MAP3K13: variants seen among roughly 807,000 people sequenced by gnomAD.
The protein encoded by MAP3K13 is leucine zipper-bearing kinase.
A neutral mutation model predicts 104.0 loss-of-function variants in MAP3K13; 52 were observed. The ratio of observed to expected loss-of-function variants is 0.50; its 90% CI spans 0.40 to 0.63. The LOEUF (loss-of-function observed/expected upper bound fraction) is 0.63. MAP3K13 is among the 20% of genes least tolerant of loss of function. The pLI is 0.00. For missense variants in MAP3K13, 914 were observed against 1,218.5 expected, an observed-to-expected ratio of 0.75 and a Z score of 3.72; for synonymous variants, 394 against 442.2, an observed-to-expected ratio of 0.89 and a Z score of 1.37.
At chr3:185,374,666 C>T (rs1178900925) in intron 1 of MAP3K13, among the ~76,000 whole-genome samples, 1 of 151,908 alleles carries the variant, frequency 6.6e-6, no homozygotes, top group East Asian at 1.9e-4. Flanking sequence ...AGCTTTTAGG[C>T]TCTATCTTTG....
At position 185,296,908 on chromosome 3, in the gene MAP3K13, T is replaced by C. The variant is rs148652186; in HGVS notation, c.-86+11265T>C. Among the ~76,000 whole-genome samples the C allele has an allele frequency of 1.5e-3, 225 of 152,302 alleles. 2 individuals carry two copies. The highest frequency in any genetic ancestry group is 4.9e-3 in the African/African-American group (202 of 41,572). Reference sequence around the variant, plus strand: ...ATGTAGGATGGGGACATAAAGAGAATAAGACAAAGCAAATGTAATAGTATT... The same window carrying C: ...ATGTAGGATGGGGACATAAAGAGAACAAGACAAAGCAAATGTAATAGTATT... On this transcript the variant is annotated intron_variant, in intron 2 of 14. Transcript: ENST00000424227.
intron 2 of MAP3K13, among the ~76,000 whole-genome samples, chr3:185,287,321 C>T (rs763973610): frequency 2.6e-5 from 4 of 152,160 alleles, no homozygotes; most frequent in Non-Finnish European, 5.9e-5. Flanking sequence ...TTAAACAACT[C>T]TTATTATTTT....
At chr3:185,297,701 C>T (rs1397426757) in intron 2 of MAP3K13, among the ~76,000 whole-genome samples, 1 of 148,544 alleles carries the variant, frequency 6.7e-6, no homozygotes, top group East Asian at 2.0e-4. Context: ...TGCCACTGCA[C>T]TCCAGTCTGG....
intron 1 of MAP3K13, among the ~76,000 whole-genome samples, chr3:185,374,308 T>G (rs966496072): frequency 5.9e-5 from 9 of 152,142 alleles, no homozygotes; most frequent in South Asian, 2.1e-4. Flanking sequence ...CGAAAATTTT[T>G]GGGGGTTGTA....
chr3:185,477,179 A>T (rs941042795), intron 11 of MAP3K13, 147 bp from the exon 12 acceptor site: 1 of 706,944 alleles, frequency 1.4e-6, no homozygotes, highest in East Asian at 2.7e-5. Flanking sequence ...TAATGAGGAC[A>T]TGTATGTTTA....
chr3:185,357,150 A>G (rs1273574309), intron 2 of MAP3K13, among the ~76,000 whole-genome samples: 1 of 151,384 alleles, frequency 6.6e-6, no homozygotes, highest in Non-Finnish European at 1.5e-5. Flanking sequence ...CTAAGAAAGT[A>G]TTATGAATTC....
At chr3:185,351,372 T>A (rs1039095170) in intron 2 of MAP3K13, among the ~76,000 whole-genome samples, 2 of 152,200 alleles carry the variant, frequency 1.3e-5, no homozygotes, top group African/African-American at 4.8e-5. Flanking sequence ...AATGTGATTT[T>A]AAAAATCTTG....
chr3:185,378,464 T>G (rs1018196938), intron 1 of MAP3K13, among the ~76,000 whole-genome samples: 1 of 152,138 alleles, frequency 6.6e-6, no homozygotes, highest in African/African-American at 2.4e-5. Context: ...AAGAGGAAAT[T>G]GCTGGGCAGG....
At chr3:185,377,712 G>A (rs937872188) in intron 1 of MAP3K13, among the ~76,000 whole-genome samples, 1 of 152,216 alleles carries the variant, frequency 6.6e-6, no homozygotes, top group African/African-American at 2.4e-5. Flanking sequence ...TATTGATTAA[G>A]AAGGGGATGG....
intron 2 of MAP3K13, among the ~76,000 whole-genome samples, chr3:185,342,674 A>T (rs545471027): frequency 1.3e-5 from 2 of 152,238 alleles, no homozygotes; most frequent in Non-Finnish European, 2.9e-5. Flanking sequence ...TGCTTTTTGT[A>T]AATGTTTCCT....
intron 7 of MAP3K13, among the ~76,000 whole-genome samples, chr3:185,454,593 G>GAT (rs1377281324): frequency 1.7e-5 from 1 of 57,754 alleles, no homozygotes; most frequent in African/African-American, 5.2e-5. Flanking sequence ...ATGATATATA[G>GAT]ATATATATGA....
chr3:185,336,311 G>A (rs1329212292), intron 2 of MAP3K13, among the ~76,000 whole-genome samples: 3 of 152,128 alleles, frequency 2.0e-5, no homozygotes, highest in African/African-American at 4.8e-5. Flanking sequence ...GGAGGCTGAG[G>A]TGGGCAGATA....
Position 185,454,625 on chromosome 3 carries a change from A to ATATATAT in MAP3K13, c.1278+3230_1278+3231insTATATAT. On this transcript the variant is annotated intron_variant, in intron 7 of 13. Transcript: ENST00000265026. ...ATGAGATATATATGATATATATATGAGATATATATATGAGATATATATATG... is the reference window on the plus strand; with the variant it reads ...ATGAGATATATATGATATATATATGATATATATGATATATATATGAGATATATATATG... Among the ~76,000 whole-genome samples the ATATATAT allele has an allele frequency of 9.5e-5, 4 of 42,056 alleles. 2 individuals carry two copies. The highest frequency in any genetic ancestry group is 2.4e-4 in the Non-Finnish European group (4 of 16,420). 27.6% of individuals were successfully genotyped at this position (42,056 alleles called of 152,430 possible). A position where few individuals can be genotyped will look rare whatever the true frequency, so the allele number is the denominator to read the frequency against.
intron 2 of MAP3K13, among the ~76,000 whole-genome samples, chr3:185,343,716 G>C (rs556685111): frequency 6.6e-6 from 1 of 152,176 alleles, no homozygotes; most frequent in African/African-American, 2.4e-5. Context: ...CTCCCAAAGT[G>C]CTGGGATTAC....
intron 2 of MAP3K13, among the ~76,000 whole-genome samples, chr3:185,353,893 C>T (rs182916205): frequency 3.1e-4 from 47 of 152,216 alleles, no homozygotes; most frequent in South Asian, 2.1e-4. Flanking sequence ...AACCACACCC[C>T]GCCCCCGCCA....
Position 185,429,015 on chromosome 3 carries a change from T to C in MAP3K13, c.434T>C (p.Ile145Thr), listed in dbSNP as rs767133399. 60 of 1,614,002 alleles carry C rather than the reference T, an allele frequency of 3.7e-5. No individual in the cohort carries two copies. The highest frequency in any genetic ancestry group is 1.7e-4 in the Admixed American group (10 of 59,998). Reference sequence around the variant, plus strand: ...TGCTTAAGGCCTGTATGGAATATCATTGGGAAGGCATATTCCACTGATTAC... The same window carrying C: ...TGCTTAAGGCCTGTATGGAATATCACTGGGAAGGCATATTCCACTGATTAC... The part of the protein sequence containing the change: ...FGCLRPVWNI[I>T]GKAYSTDYKL... Residue 145 changes from isoleucine to threonine, a missense_variant, in exon 2 of 14, where the codon ATT becomes ACT. This residue lies in a region of MAP3K13 where 175 missense variants were observed against 321.3 expected (regional missense o/e 0.54). Transcript: ENST00000265026.
intron 7 of MAP3K13, among the ~76,000 whole-genome samples, chr3:185,454,725 GAT>G (rs1275540316): frequency 9.9e-5 from 2 of 20,278 alleles, no homozygotes; most frequent in African/African-American, 1.7e-4. Flanking sequence ...AGATATATAT[GAT>G]ATATATGATA....
intron 2 of MAP3K13, chr3:185,292,852 C>T: frequency 2.0e-6 from 2 of 984,004 alleles, no homozygotes; most frequent in Non-Finnish European, 2.4e-6. Context: ...ATTGTCAATG[C>T]TTTAGAGCAG....
At chr3:185,471,210 C>T (rs1717755959) in intron 10 of MAP3K13, among the ~76,000 whole-genome samples, 1 of 151,906 alleles carries the variant, frequency 6.6e-6, no homozygotes, top group Non-Finnish European at 1.5e-5. Context: ...CTAAAACACT[C>T]CTATAATAAG....
Sources: allele counts gnomAD v4.1 joint callset (sites outside exome capture counted in the v4.1 genomes callset), GRCh38; gene constraint gnomAD v4.1.1; regional missense constraint gnomAD v4.1.1; transcripts MANE v1.5; gene names NCBI Gene and HGNC (gene_info 2026-07-23, HGNC 2026-07-21).